The following TESPA1 variants were observed in gnomAD, a reference collection of about 807,000 sequenced individuals.
The protein encoded by TESPA1 is thymocyte expressed, positive selection associated 1, also known as protein TESPA1.
Under a neutral mutation model 57.9 loss-of-function variants are expected in TESPA1, and 33 were observed. The ratio of observed to expected loss-of-function variants is 0.57; its 90% CI spans 0.43 to 0.76. TESPA1 has a LOEUF of 0.76. Ranked by LOEUF, TESPA1 falls within the 30% of genes least tolerant of loss-of-function variation. The pLI, the probability that TESPA1 is intolerant of heterozygous loss-of-function variation, is 0.00. For synonymous variants in TESPA1, 227 were observed against 228.9 expected, an observed-to-expected ratio of 0.99 and a Z score of 0.07; for missense variants, 618 against 632.9, an observed-to-expected ratio of 0.98 and a Z score of 0.25.
chr12:54,950,607 G>A (rs1480762135), intron 10 of TESPA1, among the ~76,000 whole-genome samples: 1 of 152,078 alleles, frequency 6.6e-6, no homozygotes, highest in Non-Finnish European at 1.5e-5. Context: ...ACCTCTTACT[G>A]TTTAATACTT....
intron 2 of TESPA1, among the ~76,000 whole-genome samples, chr12:54,974,103 T>C (rs1952014398): frequency 6.6e-6 from 1 of 152,132 alleles, no homozygotes. Flanking sequence ...ACAGACAAAA[T>C]AGAAACACCC....
At chr12:54,983,160 C>T (rs531169508) in intron 1 of TESPA1, among the ~76,000 whole-genome samples, 324 of 152,254 alleles carry the variant, frequency 2.1e-3, no homozygotes, top group Non-Finnish European at 3.8e-3. Flanking sequence ...CTGAAAATGA[C>T]GGTTGGGGCT....
intron 10 of TESPA1, among the ~76,000 whole-genome samples, chr12:54,954,409 C>T (rs1950606719): frequency 1.3e-5 from 2 of 152,194 alleles, no homozygotes; most frequent in South Asian, 4.1e-4. Flanking sequence ...TTTATCTATA[C>T]TGTCTCATTC....
chr12:54,955,201 T>C (rs989956362), intron 10 of TESPA1, among the ~76,000 whole-genome samples: 1 of 152,214 alleles, frequency 6.6e-6, no homozygotes, highest in Non-Finnish European at 1.5e-5. Context: ...AATCTTTTGA[T>C]ATACCTGTTG....
intron 4 of TESPA1, 85 bp from the exon 5 acceptor site, chr12:54,967,321 C>T (rs540845443): frequency 3.1e-4 from 453 of 1,440,180 alleles, no homozygotes; most frequent in Admixed American, 1.0e-3. Flanking sequence ...ACACGAACAT[C>T]TTCACATGCC....
chr12:54,985,116 G>T (rs924384413), upstream of TESPA1, among the ~76,000 whole-genome samples: 2 of 152,220 alleles, frequency 1.3e-5, no homozygotes, highest in South Asian at 2.1e-4. Context: ...TCTCAGAGAA[G>T]AAGTTTCCAG....
chr12:54,964,434 G>A (rs1951289655), intron 7 of TESPA1, among the ~76,000 whole-genome samples: 1 of 152,174 alleles, frequency 6.6e-6, no homozygotes, highest in Non-Finnish European at 1.5e-5. Context: ...TAATCAATAA[G>A]CACATCCAAA....
chr12:54,951,943 C>A (rs1217618249), intron 10 of TESPA1, among the ~76,000 whole-genome samples: 1 of 149,460 alleles, frequency 6.7e-6, no homozygotes. Flanking sequence ...AAGCCTTGAA[C>A]TCCAAAAAGC....
At chr12:54,951,901 T>C (rs1193705116) in intron 10 of TESPA1, among the ~76,000 whole-genome samples, 1 of 151,692 alleles carries the variant, frequency 6.6e-6, no homozygotes, top group Non-Finnish European at 1.5e-5. Context: ...TTGGGTGAAC[T>C]ATCTTTCCTC....
At chr12:54,976,975 G>T (rs1459248824) in intron 1 of TESPA1, among the ~76,000 whole-genome samples, 1 of 151,748 alleles carries the variant, frequency 6.6e-6, no homozygotes, top group African/African-American at 2.4e-5. Context: ...CACTCACCCT[G>T]CAGTGTCCAG....
chr12:54,975,717 A>AAAATAAAATAAAAT (rs1952112396), intron 1 of TESPA1, among the ~76,000 whole-genome samples: 1 of 151,952 alleles, frequency 6.6e-6, no homozygotes, highest in African/African-American at 2.4e-5. Context: ...AAAATAAAAT[A>AAAATAAAATAAAAT]AGAAGACTAC....
intron 3 of TESPA1, 112 bp from the exon 4 acceptor site, chr12:54,968,004 A>G (rs1266428772): frequency 1.9e-6 from 3 of 1,556,562 alleles, no homozygotes; most frequent in Non-Finnish European, 2.6e-6. Context: ...AGTCAGTAGT[A>G]TTTAATTTGC....
intron 9 of TESPA1, 75 bp from the exon 10 acceptor site, chr12:54,961,342 A>C (rs1394811248): frequency 6.5e-7 from 1 of 1,538,338 alleles, no homozygotes; most frequent in African/African-American, 1.4e-5. Context: ...GGTGGCAGGT[A>C]GCTGTAGGGG....
intron 1 of TESPA1, among the ~76,000 whole-genome samples, chr12:54,975,437 A>G (rs1952096692): frequency 6.6e-6 from 1 of 152,188 alleles, no homozygotes; most frequent in Non-Finnish European, 1.5e-5. Flanking sequence ...GGCACTAGAT[A>G]CACATTCAAA....
At chr12:54,964,209 G>A (rs112481600) in intron 7 of TESPA1, among the ~76,000 whole-genome samples, 463 of 152,176 alleles carry the variant, frequency 3.0e-3, no homozygotes, top group African/African-American at 0.01. Context: ...TATTGCAGAC[G>A]AATAAAAATT....
At position 54,962,849 on chromosome 12, in the gene TESPA1, C is replaced by A. The variant is rs761645482; in HGVS notation, c.1049G>T (p.Gly350Val). ...SQEDPVPPAEGKKLPTSPYPC... is the reference protein window; with the variant it reads ...SQEDPVPPAEVKKLPTSPYPC... ...ATAGGGAGAAGTGGGCAACTTCTTACCCTCAGCAGGGGGCACAGGATCTTC... is the reference window on the plus strand; with the variant it reads ...ATAGGGAGAAGTGGGCAACTTCTTAACCTCAGCAGGGGGCACAGGATCTTC... Residue 350 changes from glycine to valine, a missense_variant, in exon 9 of 11, where the codon GGT (glycine) becomes GTT (valine). Gly to Val is a moderately radical substitution (Grantham distance 109). Coordinates refer to ENST00000449076, the MANE Select transcript of TESPA1 (RefSeq NM_001136030.3). The A allele has an allele frequency of 6.2e-7, 1 of 1,613,794 alleles. No homozygotes were observed. The highest frequency in any genetic ancestry group is 2.2e-5 in the East Asian group (1 of 44,844).
chr12:54,961,245 T>C lies in TESPA1; in HGVS notation c.1490A>G (p.Glu497Gly). The C allele has an allele frequency of 6.2e-7, 1 of 1,613,900 alleles. No individual in the cohort carries two copies. The highest frequency in any genetic ancestry group is 1.6e-4 in the Middle Eastern group (1 of 6,062). Residue 497 changes from glutamate (E) to glycine (G), a missense_variant, in exon 10 of 11, where the codon GAG becomes GGG. Coordinates refer to ENST00000449076, the MANE Select transcript of TESPA1 (RefSeq NM_001136030.3). ...LEEVQSNSEEEQSQSRWPSRP... is the reference protein window; with the variant it reads ...LEEVQSNSEEGQSQSRWPSRP... The stretch of plus-strand genomic sequence containing the variant: ...GCTGGGCCAGCGACTCTGACTCTGC[T>C]CCTCCTCACTGTTGCTTTGCACCTG...
rs1383393582 is a variant in TESPA1 at position 54,967,214 on chromosome 12, G to T, written c.279C>A (p.Ser93Arg). ...IYNGFCSHGT[S>R]FEDDLTLGAE... is the part of the protein sequence containing the mutation. ...CTCCCAGGGTCAAGTCATCTTCAAA[G>T]CTGGTCCCATGGCTGCAGAAGCCTG... is the stretch of plus-strand genomic sequence containing the variant. The change falls in exon 5 of 11, where the codon AGC (serine) becomes AGA (arginine). Residue 93 changes from serine to arginine, a missense_variant. Physicochemically the swap from Ser to Arg is moderately radical, Grantham distance 110. Coordinates refer to ENST00000449076, the MANE Select transcript of TESPA1 (RefSeq NM_001136030.3). The T allele has an allele frequency of 6.8e-5, 109 of 1,612,842 alleles. No homozygotes were observed. The highest frequency in any genetic ancestry group is 8.9e-5 in the Non-Finnish European group (105 of 1,179,638).
intron 5 of TESPA1, among the ~76,000 whole-genome samples, chr12:54,966,854 C>T (rs779057529): frequency 1.6e-4 from 24 of 152,132 alleles, no homozygotes; most frequent in Non-Finnish European, 7.4e-5. Flanking sequence ...AATGCACAGA[C>T]TTGTTTGGAG....
Sources: gnomAD v4.1 joint callset for allele counts (sites outside exome capture counted in the v4.1 genomes callset) on GRCh38, gnomAD v4.1.1 for gene constraint, MANE v1.5 for transcripts, NCBI Gene and HGNC (gene_info 2026-07-23, HGNC 2026-07-21) for gene names.